Variants in THSD7A observed in about 807,000 individuals in gnomAD.
The protein encoded by THSD7A is thrombospondin type-1 domain-containing protein 7A.
A neutral mutation model predicts 231.3 loss-of-function variants in THSD7A; 96 were observed. The observed-to-expected ratio is 0.41, with a 90% CI of 0.35 to 0.49. The LOEUF is 0.49. Ranked by LOEUF, THSD7A falls within the 20% of genes least tolerant of loss-of-function variation. The pLI is 0.05. For synonymous variants in THSD7A, 940 were observed against 743.3 expected, an observed-to-expected ratio of 1.26 and a Z score of -4.30; for missense variants, 2,290 against 2,070.2, an observed-to-expected ratio of 1.11 and a Z score of -2.06.
intron 1 of THSD7A, among the ~76,000 whole-genome samples, chr7:11,755,529 C>T (rs1409125767): frequency 1.3e-5 from 2 of 151,966 alleles, no homozygotes; most frequent in African/African-American, 4.8e-5. Context: ...GACCCTGAGG[C>T]AGCTCTGTCA....
At chr7:11,696,646 A>G (rs904715462) in intron 1 of THSD7A, among the ~76,000 whole-genome samples, 8 of 151,024 alleles carry the variant, frequency 5.3e-5, no homozygotes, top group African/African-American at 1.7e-4. Flanking sequence ...CACAGTTGCT[A>G]CAGAGAGAAT....
intron 4 of THSD7A, among the ~76,000 whole-genome samples, chr7:11,575,144 T>C (rs1346587399): frequency 6.6e-6 from 1 of 152,218 alleles, no homozygotes; most frequent in African/African-American, 2.4e-5. Context: ...AGTAATCATC[T>C]ATCATCCTCG....
At chr7:11,402,287 A>C (rs1783433005) in intron 22 of THSD7A, among the ~76,000 whole-genome samples, 1 of 152,192 alleles carries the variant, frequency 6.6e-6, no homozygotes, top group Admixed American at 6.5e-5. Flanking sequence ...ACCTACTATC[A>C]TTCTTGTCAT....
At chr7:11,563,739 G>A (rs1011085416) in intron 4 of THSD7A, among the ~76,000 whole-genome samples, 1 of 152,100 alleles carries the variant, frequency 6.6e-6, no homozygotes, top group Non-Finnish European at 1.5e-5. Context: ...TACATGAATT[G>A]TACTTGAGTT....
At chr7:11,422,955 AT>A (rs968787628) in intron 16 of THSD7A, among the ~76,000 whole-genome samples, 1 of 152,006 alleles carries the variant, frequency 6.6e-6, no homozygotes, top group South Asian at 2.1e-4. Context: ...CCGGCCTATA[AT>A]TTTTTTTACT....
intron 7 of THSD7A, among the ~76,000 whole-genome samples, chr7:11,475,572 GTA>G (rs1786128689): frequency 2.0e-5 from 3 of 147,346 alleles, no homozygotes; most frequent in Non-Finnish European, 4.5e-5. Flanking sequence ...TAACATATAT[GTA>G]TATATAACAT....
chr7:11,691,954 C>A (rs938595964), intron 1 of THSD7A, among the ~76,000 whole-genome samples: 23 of 151,404 alleles, frequency 1.5e-4, no homozygotes, highest in African/African-American at 5.1e-4. Flanking sequence ...AAAATCACAT[C>A]CTATCTGTTA....
chr7:11,562,245 AT>A (rs1259635562), intron 4 of THSD7A, among the ~76,000 whole-genome samples: 1 of 151,450 alleles, frequency 6.6e-6, no homozygotes, highest in East Asian at 1.9e-4. Flanking sequence ...ACAAATGTAC[AT>A]TTTTAAAATT....
intron 1 of THSD7A, among the ~76,000 whole-genome samples, chr7:11,710,915 A>G (rs114611866): frequency 0.022 from 3,345 of 150,960 alleles, 137 homozygotes; most frequent in African/African-American, 0.077. Context: ...CCTATTTGAT[A>G]AAATAATATA....
At chr7:11,425,009 TA>T (rs1784273167) in intron 15 of THSD7A, among the ~76,000 whole-genome samples, 180 bp from the exon 16 acceptor site, 1 of 152,212 alleles carries the variant, frequency 6.6e-6, no homozygotes, top group African/African-American at 2.4e-5. Context: ...AGGATAGGGC[TA>T]ACCATATTGT....
chr7:11,814,178 A>C lies in THSD7A; in HGVS notation c.190+17579T>G, dbSNP rs557535803. ...GCAGGATTTCTTCTTGGGGTAATGA[A>C]AATGTTCTTGAATTGATTGTGGTAA... On this transcript the variant is annotated intron_variant, in intron 1 of 27. Transcript: ENST00000423059. The surrounding 1 kb of genome is among the most constrained non-coding windows in gnomAD (Gnocchi z 5.1). 3.9e-5 allele frequency among the ~76,000 whole-genome samples: 6 copies of C among 152,240 alleles called. No homozygotes were observed. The highest frequency in any genetic ancestry group is 3.3e-4 in the Admixed American group (5 of 15,290).
At chr7:11,689,443 C>T (rs1780164079) in intron 1 of THSD7A, among the ~76,000 whole-genome samples, 1 of 151,772 alleles carries the variant, frequency 6.6e-6, no homozygotes, top group Admixed American at 6.6e-5. Flanking sequence ...TTGTCATATT[C>T]TACAGAGGAA....
At position 11,541,574 on chromosome 7, in the gene THSD7A, G is replaced by C. The variant is rs1006398680; in HGVS notation, c.1667C>G (p.Thr556Ser). ...TNEPTGGSGVTGNCPHLLEAI... is the reference protein window; with the variant it reads ...TNEPTGGSGVSGNCPHLLEAI... ...TTCCAGTAAGTGAGGGCAGTTTCCG[G>C]TTACCCCAGAGCCTCCAGTGGGCTC... Residue 556 changes from threonine (T) to serine (S), a missense_variant, in exon 6 of 28, where the codon ACC becomes AGC. Thr to Ser is a moderately conservative substitution (Grantham distance 58). Coordinates refer to ENST00000423059, the MANE Select transcript of THSD7A (RefSeq NM_015204.3). 11 of 1,613,930 alleles carry C rather than the reference G, an allele frequency of 6.8e-6. No individual in the cohort carries two copies. Among genetic ancestry groups the C allele is most frequent in the Non-Finnish European group, 9.3e-6 (11 of 1,179,876 alleles).
intron 1 of THSD7A, among the ~76,000 whole-genome samples, chr7:11,731,344 C>G (rs1781725546): frequency 6.6e-6 from 1 of 151,472 alleles, no homozygotes; most frequent in Non-Finnish European, 1.5e-5. Flanking sequence ...AAAGTACCTA[C>G]CATGCTGTTG....
At chr7:11,455,303 T>C (rs951420983) in intron 11 of THSD7A, among the ~76,000 whole-genome samples, 3 of 152,110 alleles carry the variant, frequency 2.0e-5, no homozygotes, top group African/African-American at 4.8e-5. Context: ...TGTTTTGTTA[T>C]AGAAGCCCAA....
intron 4 of THSD7A, among the ~76,000 whole-genome samples, chr7:11,553,918 T>A (rs1789734525): frequency 6.6e-6 from 1 of 152,068 alleles, no homozygotes; most frequent in Admixed American, 6.6e-5. Context: ...AAGATACACA[T>A]ACTATATAAC....
intron 2 of THSD7A, among the ~76,000 whole-genome samples, chr7:11,610,191 C>T (rs1450345087): frequency 6.6e-6 from 1 of 152,068 alleles, no homozygotes; most frequent in Non-Finnish European, 1.5e-5. Flanking sequence ...TGTTATTTCC[C>T]CTGACATAGA....
At chr7:11,595,254 C>A (rs1780317908) in intron 2 of THSD7A, among the ~76,000 whole-genome samples, 1 of 152,126 alleles carries the variant, frequency 6.6e-6, no homozygotes, top group Non-Finnish European at 1.5e-5. Flanking sequence ...GACAGTGTGA[C>A]CCATGAGGAG....
At chr7:11,484,703 A>C (rs1583828963) in intron 6 of THSD7A, among the ~76,000 whole-genome samples, 2 of 151,846 alleles carry the variant, frequency 1.3e-5, no homozygotes, top group South Asian at 4.2e-4. Context: ...TTGTGCTAGG[A>C]AATAGAATGT....
Sources: allele counts gnomAD v4.1 joint callset (sites outside exome capture counted in the v4.1 genomes callset), GRCh38; gene constraint gnomAD v4.1.1; non-coding constraint Gnocchi (gnomAD v3.1); transcripts MANE v1.5; gene names NCBI Gene and HGNC (gene_info 2026-07-23, HGNC 2026-07-21).